The following CLASP1 variants were observed in gnomAD, a reference collection of about 807,000 sequenced individuals.
CLASP1 encodes the protein CLIP-associating protein 1.
Under a neutral mutation model 192.3 loss-of-function variants are expected in CLASP1, and 38 were observed. That is an observed-to-expected ratio of 0.20 (90% CI 0.15 to 0.26). The LOEUF is 0.26. Ranked by LOEUF, CLASP1 falls within the 10% of genes least tolerant of loss-of-function variation. The pLI is 1.00. For synonymous variants in CLASP1, 691 were observed against 712.8 expected (o/e 0.97, Z 0.49); for missense variants, 1,433 against 1,932.5 (o/e 0.74, Z 4.85).
At chr2:121,521,360 A>G (rs896921454) in intron 6 of CLASP1, among the ~76,000 whole-genome samples, 2 of 152,180 alleles carry the variant, frequency 1.3e-5, no homozygotes, top group Non-Finnish European at 2.9e-5. Flanking sequence ...TGAAAACAGA[A>G]GAGGAGCTCA....
chr2:121,414,812 C>G (rs1341467002), intron 23 of CLASP1, among the ~76,000 whole-genome samples: 1 of 152,118 alleles, frequency 6.6e-6, no homozygotes, highest in Admixed American at 6.5e-5. Context: ...GAGACAAGGT[C>G]TCACTCTGTT....
chr2:121,514,506 A>G (rs924551813), intron 7 of CLASP1, among the ~76,000 whole-genome samples: 1 of 144,218 alleles, frequency 6.9e-6, no homozygotes, highest in Non-Finnish European at 1.5e-5. Flanking sequence ...ACAGGAACTT[A>G]AAAAAAAAAA....
intron 6 of CLASP1, among the ~76,000 whole-genome samples, chr2:121,522,020 A>G (rs1359042902): frequency 6.6e-6 from 1 of 152,320 alleles, no homozygotes; most frequent in Middle Eastern, 3.4e-3. Context: ...TGCAAGCTAC[A>G]CAAGAACCCC....
intron 1 of CLASP1, among the ~76,000 whole-genome samples, chr2:121,643,331 A>G (rs1004797105): frequency 6.6e-6 from 1 of 152,248 alleles, no homozygotes; most frequent in Admixed American, 6.5e-5. Flanking sequence ...AGACTAGAAG[A>G]CTTCAAAAGC....
intron 2 of CLASP1, chr2:121,532,782 TTAA>T (rs1468552162): frequency 6.6e-6 from 1 of 152,208 alleles, no homozygotes; most frequent in African/African-American, 2.4e-5. Flanking sequence ...TGAACTCTAG[TTAA>T]TAATAATACA....
At chr2:121,533,888 T>C (rs544707215) in intron 2 of CLASP1, among the ~76,000 whole-genome samples, 74 of 152,336 alleles carry the variant, frequency 4.9e-4, no homozygotes, top group African/African-American at 1.7e-3. Flanking sequence ...TGAATGAGAC[T>C]GGAATAGATG....
rs1488047504 is a variant in CLASP1, at chr2:121,475,753, T to C, written c.713-5793A>G. ...TTTCACATAATACATATGTTACACATAAAATCGTCTTAAGGGGAAGTTCTC... is the reference window on the plus strand; with the variant it reads ...TTTCACATAATACATATGTTACACACAAAATCGTCTTAAGGGGAAGTTCTC... On this transcript the variant is annotated intron_variant, in intron 8 of 39. Coordinates refer to ENST00000263710, the Ensembl canonical transcript of CLASP1. Among the ~76,000 whole-genome samples, 5 of 152,194 alleles carry C rather than the reference T, an allele frequency of 3.3e-5. No homozygotes were observed. The East Asian group carries it at 7.7e-4, about 23-fold the overall frequency.
intron 2 of CLASP1, among the ~76,000 whole-genome samples, chr2:121,559,418 T>C (rs769678765): frequency 6.6e-6 from 1 of 152,218 alleles, no homozygotes; most frequent in African/African-American, 2.4e-5. Flanking sequence ...TTATTCATAA[T>C]AGTCAAAAAG....
At chr2:121,530,872 T>C (rs756772314) in intron 2 of CLASP1, 43 of 679,086 alleles carry the variant, frequency 6.3e-5, no homozygotes, top group Middle Eastern at 7.4e-4. Context: ...CCAGGGACTT[T>C]CTATTATAAC....
At chr2:121,411,216 T>C (rs1452163868) in intron 23 of CLASP1, among the ~76,000 whole-genome samples, 2 of 152,230 alleles carry the variant, frequency 1.3e-5, no homozygotes, top group Non-Finnish European at 2.9e-5. Context: ...AAGTTTCTGA[T>C]ATGAGAGGGA....
chr2:121,575,891 A>T lies in CLASP1; in HGVS notation c.195+29810T>A, dbSNP rs1346552577. Among the ~76,000 whole-genome samples, 4 of 152,244 alleles carry T rather than the reference A, an allele frequency of 2.6e-5. No homozygotes were observed. The East Asian group carries it at 7.7e-4, about 29-fold the overall frequency. On this transcript the variant is annotated intron_variant, in intron 2 of 39. Transcript: ENST00000263710. ...TTATGAGCTATAGAGAAGGAGACAC[A>T]GTTAAATGTGTCCCTACCCAACAAC... is the stretch of plus-strand genomic sequence containing the variant.
chr2:121,421,035 T>C (rs533717169), intron 22 of CLASP1, among the ~76,000 whole-genome samples: 2 of 152,312 alleles, frequency 1.3e-5, no homozygotes, highest in East Asian at 1.9e-4. Context: ...AGTAGCAGTA[T>C]AGAGAAAACT....
At chr2:121,487,804 C>T (rs1412339814) in intron 8 of CLASP1, among the ~76,000 whole-genome samples, 3 of 152,220 alleles carry the variant, frequency 2.0e-5, no homozygotes, top group African/African-American at 7.2e-5. Context: ...AATAATTCTG[C>T]ACAAGAGGTT....
chr2:121,368,247 C>A (rs908253995), intron 34 of CLASP1, among the ~76,000 whole-genome samples: 3 of 152,176 alleles, frequency 2.0e-5, no homozygotes, highest in Non-Finnish European at 2.9e-5. Flanking sequence ...CAACCGCCAT[C>A]ATTAAGTCTA....
intron 2 of CLASP1, among the ~76,000 whole-genome samples, chr2:121,573,799 C>G (rs992201070): frequency 6.6e-6 from 1 of 152,100 alleles, no homozygotes; most frequent in African/African-American, 2.4e-5. Flanking sequence ...GCATGTGAAT[C>G]TATGATTACC....
At chr2:121,433,012 T>C (rs1038002131) in intron 19 of CLASP1, among the ~76,000 whole-genome samples, 6 of 152,132 alleles carry the variant, frequency 3.9e-5, no homozygotes, top group Non-Finnish European at 8.8e-5. Flanking sequence ...TCACAGAAAG[T>C]GTATCTGCCA....
At chr2:121,413,976 G>C (rs759313866) in intron 23 of CLASP1, among the ~76,000 whole-genome samples, 165 bp downstream of exon 24, 1 of 152,092 alleles carries the variant, frequency 6.6e-6, no homozygotes, top group Non-Finnish European at 1.5e-5. Flanking sequence ...CCTATTAACA[G>C]AACTATAAAC....
At chr2:121,488,881 G>A (rs2093142611) in intron 8 of CLASP1, among the ~76,000 whole-genome samples, 1 of 152,168 alleles carries the variant, frequency 6.6e-6, no homozygotes. Flanking sequence ...ATGTAAGCCT[G>A]AATTCCAGGT....
exon 30 of CLASP1, chr2:121,397,171 G>C: frequency 6.2e-7 from 1 of 1,613,790 alleles, no homozygotes; most frequent in South Asian, 1.1e-5. Flanking sequence ...TGGTTCTGTT[G>C]TCCAGGTTAT....
Sources: gnomAD v4.1 joint callset for allele counts (sites outside exome capture counted in the v4.1 genomes callset) on GRCh38, gnomAD v4.1.1 for gene constraint, MANE v1.5 for transcripts, NCBI Gene and HGNC (gene_info 2026-07-23, HGNC 2026-07-21) for gene names.